Variants in CTDSP2 observed in about 807,000 individuals in gnomAD.
CTDSP2 encodes the protein CTD small phosphatase 2, also known as carboxy-terminal domain RNA polymerase II polypeptide A small phosphatase 2.
In CTDSP2, 9 loss-of-function variants were observed where a neutral mutation model predicts 31.6. The ratio of observed to expected loss-of-function variants is 0.28; its 90% CI spans 0.17 to 0.50. The LOEUF (loss-of-function observed/expected upper bound fraction) is 0.50. Ranked by LOEUF, CTDSP2 falls within the 20% of genes least tolerant of loss-of-function variation. The probability of loss-of-function intolerance (pLI) is 0.98; values close to 1 mark genes in which losing one functional copy is unlikely to be tolerated. For synonymous variants in CTDSP2, 134 were observed against 134.5 expected (o/e 1.00, Z 0.03); for missense variants, 267 against 348.5 (o/e 0.77, Z 1.86).
rs1956201982 is a variant in CTDSP2 at position 57,829,460 on chromosome 12, G to GTT, written c.199_200dup (p.Asn67LysfsTer29). The GTT allele has an allele frequency of 6.2e-7, 1 of 1,613,926 alleles. No homozygotes were observed. Reference sequence around the variant, plus strand: ...CCAACCCACCTACCTTAGCAATGGTGTTTGCTTCCTCCTTATACGCAGCGA... The same window carrying GTT: ...CCAACCCACCTACCTTAGCAATGGTGTTTTTGCTTCCTCCTTATACGCAGCGA... On this transcript the variant is annotated frameshift_variant, in exon 2 of 8. Coordinates refer to ENST00000398073, the MANE Select transcript of CTDSP2 (RefSeq NM_005730.4). LOFTEE classifies it high-confidence loss of function.
At chr12:57,837,667 G>C (rs1223624726) in intron 1 of CTDSP2, among the ~76,000 whole-genome samples, 1 of 151,966 alleles carries the variant, frequency 6.6e-6, no homozygotes, top group African/African-American at 2.4e-5. Flanking sequence ...CTCCAGCCTG[G>C]GGGACAGAGC....
At chr12:57,827,178 G>T in intron 3 of CTDSP2, 81 bp from the exon 4 acceptor site, 1 of 1,018,090 alleles carries the variant, frequency 9.8e-7, no homozygotes. Context: ...GGAAGAGCTG[G>T]GTTGTTTGTG....
Position 57,820,525 on chromosome 12 carries a change from G to A in CTDSP2, c.*3077C>T, listed in dbSNP as rs961098089. 2.6e-5 allele frequency: 4 copies of A among 152,432 alleles called. No homozygotes were observed. Among genetic ancestry groups the A allele is most frequent in the African/African-American group, 7.2e-5 (3 of 41,428 alleles). 9.4% of individuals were successfully genotyped at this position (152,432 alleles called of 1,614,324 possible). On this transcript the variant is annotated 3_prime_UTR_variant, in exon 8 of 8. Coordinates refer to ENST00000398073, the MANE Select transcript of CTDSP2 (RefSeq NM_005730.4). The stretch of plus-strand genomic sequence containing the variant: ...CAGGTAGGGGCAGCAGAATAGAATA[G>A]CATCCATTTCCCAGAGAAAGACTGC...
chr12:57,826,421 A>G lies in CTDSP2; in HGVS notation c.355-19T>C, dbSNP rs1956183452. Reference sequence around the variant, plus strand: ...TGATTGGCTGGAAGGCAGAAAAGTTAATGCTGTCAGCATGGTGGCAAAGAA... The same window carrying G: ...TGATTGGCTGGAAGGCAGAAAAGTTGATGCTGTCAGCATGGTGGCAAAGAA... On this transcript the variant is annotated intron_variant, in intron 4 of 7. Coordinates refer to ENST00000398073, the MANE Select transcript of CTDSP2 (RefSeq NM_005730.4). The G allele has an allele frequency of 6.2e-7, 1 of 1,613,624 alleles. No individual in the cohort carries two copies. The highest frequency in any genetic ancestry group is 1.1e-5 in the South Asian group (1 of 91,044).
At chr12:57,840,240 A>T (rs1378029268) in intron 1 of CTDSP2, among the ~76,000 whole-genome samples, 1 of 152,232 alleles carries the variant, frequency 6.6e-6, no homozygotes, top group Non-Finnish European at 1.5e-5. Context: ...CTGTATTTTT[A>T]GCAAGTGTCA....
intron 1 of CTDSP2, among the ~76,000 whole-genome samples, chr12:57,831,103 T>TAAAAAA (rs11309444): frequency 8.2e-6 from 1 of 121,658 alleles, no homozygotes; most frequent in African/African-American, 3.3e-5. Context: ...GCCAAGCAGA[T>TAAAAAA]AAAAAAAAAA....
intron 1 of CTDSP2, among the ~76,000 whole-genome samples, chr12:57,838,114 G>C (rs911208765): frequency 6.6e-6 from 1 of 152,172 alleles, no homozygotes; most frequent in Non-Finnish European, 1.5e-5. Context: ...CTTTAAAAAC[G>C]TGCTGGGTTG....
chr12:57,825,735 GAC>G (rs1413209769), intron 5 of CTDSP2, among the ~76,000 whole-genome samples: 1 of 152,202 alleles, frequency 6.6e-6, no homozygotes, highest in East Asian at 1.9e-4. Context: ...TACATTGACA[GAC>G]ACACACTGAG....
intron 1 of CTDSP2, among the ~76,000 whole-genome samples, chr12:57,841,624 T>A (rs1956282999): frequency 1.3e-5 from 2 of 151,780 alleles, no homozygotes; most frequent in Admixed American, 1.3e-4. Flanking sequence ...AAAGAAGGGG[T>A]CTGTGCAGCA....
rs748287292 is a variant in CTDSP2 at position 57,823,533 on chromosome 12, C to T, written c.*69G>A. ...AGGCACTCCAGCTTCTACTCTGTCA[C>T]GCTGATCGTAAAGGCACAGTGTGGG... On this transcript the variant is annotated 3_prime_UTR_variant, in exon 8 of 8. Coordinates refer to ENST00000398073, the MANE Select transcript of CTDSP2 (RefSeq NM_005730.4). 1.8e-5 allele frequency: 28 copies of T among 1,574,930 alleles called. No homozygotes were observed. The South Asian group carries it at 2.2e-4, about 12-fold the overall frequency.
chr12:57,820,923 C>T lies in CTDSP2; in HGVS notation c.*2679G>A, dbSNP rs1170673444. 2 of 152,202 alleles carry T rather than the reference C, an allele frequency of 1.3e-5. No individual in the cohort carries two copies. The highest frequency in any genetic ancestry group is 2.9e-5 in the Non-Finnish European group (2 of 68,062). 9.4% of individuals were successfully genotyped at this position (152,202 alleles called of 1,614,324 possible). Reference sequence around the variant, plus strand: ...ACTGAACCTGGCAGGTAGGCAGATTCCTGGCATGGCTTGAATTGGTGCTGA... The same window carrying T: ...ACTGAACCTGGCAGGTAGGCAGATTTCTGGCATGGCTTGAATTGGTGCTGA... On this transcript the variant is annotated 3_prime_UTR_variant, in exon 8 of 8. Transcript: ENST00000398073.
chr12:57,825,236 A>G (rs1956175682), intron 5 of CTDSP2, among the ~76,000 whole-genome samples: 1 of 152,100 alleles, frequency 6.6e-6, no homozygotes, highest in African/African-American at 2.4e-5. Flanking sequence ...GTAGGCCTGA[A>G]CTGGCCACCA....
intron 1 of CTDSP2, among the ~76,000 whole-genome samples, chr12:57,844,368 C>G (rs1956300477): frequency 6.6e-6 from 1 of 152,216 alleles, no homozygotes. Context: ...TGCCATTCAC[C>G]CTGGTGGATG....
intron 1 of CTDSP2, among the ~76,000 whole-genome samples, chr12:57,844,233 G>T (rs1956299692): frequency 6.6e-6 from 1 of 152,218 alleles, no homozygotes; most frequent in African/African-American, 2.4e-5. Context: ...GAGAGACCCA[G>T]TGGCTGCTGG....
intron 1 of CTDSP2, among the ~76,000 whole-genome samples, chr12:57,839,546 G>A (rs773284956): frequency 6.6e-6 from 1 of 152,032 alleles, no homozygotes; most frequent in East Asian, 1.9e-4. Context: ...GTGAAACCGC[G>A]TCTCTACTAA....
At position 57,823,530 on chromosome 12, in the gene CTDSP2, T is replaced by C; in HGVS notation, c.*72A>G. 2 of 1,563,596 alleles carry C rather than the reference T, an allele frequency of 1.3e-6. No homozygotes were observed. The highest frequency in any genetic ancestry group is 1.7e-6 in the Non-Finnish European group (2 of 1,150,000). On this transcript the variant is annotated 3_prime_UTR_variant, in exon 8 of 8. Coordinates refer to ENST00000398073, the MANE Select transcript of CTDSP2 (RefSeq NM_005730.4). ...GTGAGGCACTCCAGCTTCTACTCTG[T>C]CACGCTGATCGTAAAGGCACAGTGT... is the stretch of plus-strand genomic sequence containing the variant.
At chr12:57,835,121 C>T (rs1956239461) in intron 1 of CTDSP2, among the ~76,000 whole-genome samples, 1 of 143,784 alleles carries the variant, frequency 7.0e-6, no homozygotes, top group African/African-American at 2.6e-5. Context: ...AAAATTCCAT[C>T]TCAAAAAAAA....
At chr12:57,844,378 G>A (rs1057399835) in intron 1 of CTDSP2, among the ~76,000 whole-genome samples, 2 of 152,204 alleles carry the variant, frequency 1.3e-5, no homozygotes, top group Non-Finnish European at 2.9e-5. Flanking sequence ...CCTGGTGGAT[G>A]AAACTTCCAG....
At chr12:57,840,201 G>A (rs554458602) in intron 1 of CTDSP2, among the ~76,000 whole-genome samples, 206 of 152,354 alleles carry the variant, frequency 1.4e-3, no homozygotes, top group Non-Finnish European at 2.5e-3. Flanking sequence ...CTGCCCATGC[G>A]CTGATTCAGC....
Sources: allele counts gnomAD v4.1 joint callset (sites outside exome capture counted in the v4.1 genomes callset), GRCh38; gene constraint gnomAD v4.1.1; transcripts MANE v1.5; gene names NCBI Gene and HGNC (gene_info 2026-07-23, HGNC 2026-07-21).